Variants in SYCP1 observed in about 807,000 individuals in gnomAD.
The protein encoded by SYCP1 is synaptonemal complex protein 1.
In SYCP1, 64 loss-of-function variants were observed where a neutral mutation model predicts 153.1. That is an observed-to-expected ratio of 0.42 (90% CI 0.34 to 0.51). SYCP1 has a LOEUF of 0.51. Ranked by LOEUF, SYCP1 falls within the 20% of genes least tolerant of loss-of-function variation. SYCP1 has a pLI of 0.06. For synonymous variants in SYCP1, 384 were observed against 341.8 expected (o/e 1.12, Z -1.36); for missense variants, 997 against 1,049.0 (o/e 0.95, Z 0.68).
chr1:114,865,791 A>G (rs1283883915), intron 8 of SYCP1, among the ~76,000 whole-genome samples: 1 of 152,220 alleles, frequency 6.6e-6, no homozygotes, highest in Non-Finnish European at 1.5e-5. Flanking sequence ...CCATTATAGT[A>G]TAATACAGAA....
chr1:114,958,734 C>A (rs1671593551), intron 27 of SYCP1, among the ~76,000 whole-genome samples: 1 of 136,020 alleles, frequency 7.4e-6, no homozygotes, highest in African/African-American at 2.8e-5. Context: ...TCCTGGCTAA[C>A]ACGGTGAAAC....
chr1:114,926,317 T>C lies in SYCP1; in HGVS notation c.1840T>C (p.Tyr614His), dbSNP rs1400161748. 6.5e-7 allele frequency: 1 copy of C among 1,534,460 alleles called. No individual in the cohort carries two copies. Among genetic ancestry groups the C allele is most frequent in the East Asian group, 2.3e-5 (1 of 43,508 alleles). The change falls in exon 22 of 32, where the codon TAT becomes CAT. Residue 614 changes from tyrosine to histidine, a missense_variant. Tyr to His is a moderately conservative substitution (Grantham distance 83, BLOSUM62 2). Coordinates refer to ENST00000369522, the MANE Select transcript of SYCP1 (RefSeq NM_003176.4). ...GAAACAAGTTGAAAATAAAAACAAGTATATTGAAGAACTTCAGCAGGAGGT... is the reference window on the plus strand; with the variant it reads ...GAAACAAGTTGAAAATAAAAACAAGCATATTGAAGAACTTCAGCAGGAGGT... ...LRKQVENKNK[Y>H]IEELQQENKA... is the part of the protein sequence containing the mutation.
chr1:114,904,156 G>GC lies in SYCP1; in HGVS notation c.1321-6238dup, dbSNP rs1667664158. ...TTTTGAGACGGAGTCTTGCTCTGTT[G>GC]CCCAGGCTGGAGTGCAGTGGTGCGA... On this transcript the variant is annotated intron_variant, in intron 16 of 31. Transcript: ENST00000369522. Among the ~76,000 whole-genome samples the GC allele has an allele frequency of 2.3e-4, 31 of 136,252 alleles. No homozygotes were observed. The Admixed American group carries it at 2.4e-3, about 11-fold the overall frequency. 89.4% of individuals were successfully genotyped at this position (136,252 alleles called of 152,430 possible).
Position 114,860,770 on chromosome 1 carries a change from A to G in SYCP1, c.559A>G (p.Lys187Glu). 6.3e-7 allele frequency: 1 copy of G among 1,596,694 alleles called. No homozygotes were observed. ...CACAAGGCATTTATGTAATCTACTC[A>G]AAGAAACCTGTGCTAGATCTGCAGA... ...NATRHLCNLL[K>E]ETCARSAEKT... is the part of the protein sequence containing the mutation. Residue 187 changes from lysine to glutamate, a missense_variant, in exon 8 of 32, where the codon AAA becomes GAA. By Grantham distance (56) the Lys-to-Glu change is moderately conservative. This residue lies in a region of SYCP1 where 285 missense variants were observed against 366.1 expected (regional missense o/e 0.78). Coordinates refer to ENST00000369522, the MANE Select transcript of SYCP1 (RefSeq NM_003176.4).
At chr1:114,879,666 T>C (rs1287433377) in intron 12 of SYCP1, among the ~76,000 whole-genome samples, 1 of 152,210 alleles carries the variant, frequency 6.6e-6, no homozygotes, top group Non-Finnish European at 1.5e-5. Context: ...TAATATTTAA[T>C]CTTATCATAT....
Position 114,876,723 on chromosome 1 carries a change from T to C in SYCP1, c.728-14T>C, listed in dbSNP as rs900098103. On this transcript the variant is annotated splice_polypyrimidine_tract_variant and intron_variant, in intron 10 of 31. Transcript: ENST00000369522. ...ATGTTATGACATTACAGTATATTTG[T>C]TTTATTTTTAAAGTAAAGGAAGATT... The C allele has an allele frequency of 3.1e-6, 4 of 1,283,878 alleles. No homozygotes were observed. In the African/African-American group the frequency reaches 4.7e-5, roughly 15 times the overall value. The allele number at this position is 1,283,878 out of a possible 1,614,324, so 79.5% of individuals were successfully genotyped here. A position where few individuals can be genotyped will look rare whatever the true frequency, so the allele number is the denominator to read the frequency against.
At chr1:114,964,439 G>A (rs544715474) in intron 27 of SYCP1, among the ~76,000 whole-genome samples, 1 of 152,220 alleles carries the variant, frequency 6.6e-6, no homozygotes, top group South Asian at 2.1e-4. Flanking sequence ...TAGTTATGAA[G>A]TCTTTGCCCA....
intron 11 of SYCP1, among the ~76,000 whole-genome samples, chr1:114,877,878 C>T (rs1016812754): frequency 6.6e-6 from 1 of 152,088 alleles, no homozygotes; most frequent in Non-Finnish European, 1.5e-5. Flanking sequence ...TTAGAGATTG[C>T]CTTTTTCAAT....
chr1:114,885,684 A>G lies in SYCP1; in HGVS notation c.1005+55A>G, dbSNP rs1666246538. On this transcript the variant is annotated intron_variant, in intron 13 of 31. Coordinates refer to ENST00000369522, the MANE Select transcript of SYCP1 (RefSeq NM_003176.4). ...TAAGTCTCACCCTATCAATCAGTCAACAAATATTTATTAAATACTAATACA... is the reference window on the plus strand; with the variant it reads ...TAAGTCTCACCCTATCAATCAGTCAGCAAATATTTATTAAATACTAATACA... The G allele has an allele frequency of 1.4e-5, 14 of 1,022,562 alleles. No homozygotes were observed. In the South Asian group the frequency reaches 2.2e-4, roughly 16 times the overall value. 63.3% of individuals were successfully genotyped at this position (1,022,562 alleles called of 1,614,324 possible). A position where few individuals can be genotyped will look rare whatever the true frequency, so the allele number is the denominator to read the frequency against.
intron 30 of SYCP1, 53 bp from the exon 31 acceptor site, chr1:114,994,645 T>G: frequency 1.5e-6 from 2 of 1,336,852 alleles, no homozygotes; most frequent in African/African-American, 3.0e-5. Context: ...ATGTTAATAA[T>G]ATAATATTAA....
intron 25 of SYCP1, 80 bp from the exon 26 acceptor site, chr1:114,946,209 A>G: frequency 3.8e-6 from 2 of 532,052 alleles, no homozygotes; most frequent in Non-Finnish European, 5.7e-6. Flanking sequence ...ACTAAATTAA[A>G]TATTAAAATA....
intron 5 of SYCP1, among the ~76,000 whole-genome samples, chr1:114,858,151 T>G (rs1244174650): frequency 1.3e-5 from 2 of 152,240 alleles, no homozygotes; most frequent in East Asian, 3.9e-4. Context: ...TTTCTTGTCA[T>G]TATATTTTAA....
Position 114,955,251 on chromosome 1 carries a change from G to A in SYCP1, c.2322+7931G>A, listed in dbSNP as rs948243778. 9.2e-5 allele frequency among the ~76,000 whole-genome samples: 14 copies of A among 152,250 alleles called. No individual in the cohort carries two copies. In the East Asian group the frequency reaches 2.7e-3, roughly 29 times the overall value. ...TTCCCTAGAATAAATCCCATTTGGT[G>A]TATGACATATACATATGGAGAGTGA... On this transcript the variant is annotated intron_variant, in intron 27 of 31. Coordinates refer to ENST00000369522, the MANE Select transcript of SYCP1 (RefSeq NM_003176.4).
In SYCP1 at chr1:114,977,486, G is replaced by A. The variant is rs1027757557; in HGVS notation, c.2323-71G>A. ...TTCTTTGTTAATACTTACTAGGAAA[G>A]ATTTTGATAATATTCATTTGTGATC... On this transcript the variant is annotated intron_variant, in intron 27 of 31. Coordinates refer to ENST00000369522, the MANE Select transcript of SYCP1 (RefSeq NM_003176.4). The A allele has an allele frequency of 5.2e-6, 5 of 959,048 alleles. No individual in the cohort carries two copies. In the African/African-American group the frequency reaches 8.8e-5, roughly 17 times the overall value. The allele number at this position is 959,048 out of a possible 1,614,324, so 59.4% of individuals were successfully genotyped here. A position where few individuals can be genotyped will look rare whatever the true frequency, so the allele number is the denominator to read the frequency against.
At chr1:114,989,159 C>T (rs763486173) in intron 30 of SYCP1, among the ~76,000 whole-genome samples, 2 of 151,720 alleles carry the variant, frequency 1.3e-5, no homozygotes, top group Non-Finnish European at 2.9e-5. Context: ...AGAATTAGAT[C>T]CTGTCAAAAC....
intron 20 of SYCP1, among the ~76,000 whole-genome samples, chr1:114,914,304 A>G (rs1165267603): frequency 2.0e-5 from 3 of 151,960 alleles, no homozygotes; most frequent in Non-Finnish European, 4.4e-5. Context: ...ATATTTAATT[A>G]AGAAAATATA....
intron 25 of SYCP1, among the ~76,000 whole-genome samples, chr1:114,945,294 T>C (rs1557822676): frequency 6.6e-6 from 1 of 152,050 alleles, no homozygotes. Context: ...TATTTTTAAG[T>C]ACATAACCAG....
chr1:114,928,488 G>A (rs955568639), intron 23 of SYCP1, among the ~76,000 whole-genome samples: 8 of 152,084 alleles, frequency 5.3e-5, no homozygotes, highest in African/African-American at 1.9e-4. Context: ...TGTACCCTAA[G>A]CAATACTTAA....
chr1:114,917,185 A>G (rs1049349975), intron 20 of SYCP1, among the ~76,000 whole-genome samples: 1 of 151,998 alleles, frequency 6.6e-6, no homozygotes, highest in Admixed American at 6.6e-5. Flanking sequence ...TCTACTCTCT[A>G]TCTTAATGAG....
Sources: allele counts gnomAD v4.1 joint callset (sites outside exome capture counted in the v4.1 genomes callset), GRCh38; gene constraint gnomAD v4.1.1; regional missense constraint gnomAD v4.1.1; transcripts MANE v1.5; gene names NCBI Gene and HGNC (gene_info 2026-07-23, HGNC 2026-07-21).